Variants in DIDO1 observed in about 807,000 individuals in gnomAD.
DIDO1 encodes the protein death inducer-obliterator 1.
A neutral mutation model predicts 99.4 loss-of-function variants in DIDO1; 16 were observed. That is an observed-to-expected ratio of 0.16 (90% confidence interval 0.11 to 0.24). The LOEUF (loss-of-function observed/expected upper bound fraction) is 0.24, where lower values mean the gene tolerates loss of function less well. DIDO1 is among the 10% of genes least tolerant of loss of function. The pLI is 1.00. For synonymous variants in DIDO1, 1,366 were observed against 1,239.1 expected (o/e 1.10, Z -2.15); for missense variants, 2,996 against 3,014.0 (o/e 0.99, Z 0.14).
chr20:62,934,971 T>C (rs145899006), intron 1 of DIDO1, among the ~76,000 whole-genome samples: 17 of 152,332 alleles, frequency 1.1e-4, no homozygotes, highest in African/African-American at 3.8e-4. Context: ...CTTGTCTCCA[T>C]GGGCTTCCTC....
At chr20:62,933,175 C>T (rs1331535608) in intron 1 of DIDO1, among the ~76,000 whole-genome samples, 1 of 152,222 alleles carries the variant, frequency 6.6e-6, no homozygotes, top group Admixed American at 6.5e-5. Context: ...CGTGCCATTG[C>T]ACTCCAGCCT....
chr20:62,912,068 A>C (rs1203968384), intron 2 of DIDO1, among the ~76,000 whole-genome samples: 1 of 152,242 alleles, frequency 6.6e-6, no homozygotes. Flanking sequence ...ACGCTGTGCC[A>C]GTTTGGGTGT....
intron 5 of DIDO1, among the ~76,000 whole-genome samples, chr20:62,906,703 A>AGCC (rs143880195): frequency 6.6e-6 from 1 of 151,728 alleles, no homozygotes; most frequent in African/African-American, 2.4e-5. Context: ...ATCTCTAAAC[A>AGCC]TTCCAAATAA....
chr20:62,910,093 A>G (rs1237113036), intron 3 of DIDO1, 73 bp from the exon 4 acceptor site: 2 of 1,474,194 alleles, frequency 1.4e-6, no homozygotes, highest in Non-Finnish European at 1.8e-6. Context: ...TAATAAGACA[A>G]TTGGTTTTAA....
upstream of DIDO1, among the ~76,000 whole-genome samples, chr20:62,929,695 G>GTGTATATATATATATATATATATATATA (rs1491466464): frequency 2.0e-5 from 2 of 97,972 alleles, no homozygotes; most frequent in African/African-American, 9.2e-5. Flanking sequence ...AAGAAAAAGT[G>GTGTATATATATATATATATATATATATA]TATATATATA....
intron 6 of DIDO1, among the ~76,000 whole-genome samples, chr20:62,904,652 G>A (rs1438313747): frequency 2.6e-5 from 4 of 151,690 alleles, no homozygotes; most frequent in Non-Finnish European, 4.4e-5. Flanking sequence ...ATGGTGGCAC[G>A]GGCCTGTAAT....
chr20:62,907,052 G>T, intron 5 of DIDO1, 95 bp downstream of exon 5: 2 of 1,326,822 alleles, frequency 1.5e-6, no homozygotes, highest in Non-Finnish European at 1.1e-6. Context: ...CCCTACACCT[G>T]CCACCCCCAC....
At chr20:62,936,612 TCCCAGCA>T (rs2065387770) in intron 1 of DIDO1, among the ~76,000 whole-genome samples, 1 of 151,864 alleles carries the variant, frequency 6.6e-6, no homozygotes, top group South Asian at 2.1e-4. Context: ...ACGCCTGTAA[TCCCAGCA>T]CTTTGGGAGT....
intron 1 of DIDO1, among the ~76,000 whole-genome samples, chr20:62,937,012 A>G (rs543938811): frequency 2.0e-5 from 3 of 152,258 alleles, no homozygotes; most frequent in Non-Finnish European, 2.9e-5. Context: ...CGATTAACGG[A>G]AAATGTCCAA....
In DIDO1 at chr20:62,888,729, A is replaced by G. The variant is rs73304543; in HGVS notation, c.3541+2231T>C. 4.1e-3 allele frequency: 4,070 copies of G among 985,472 alleles called. 141 individuals carry two copies. The African/African-American group carries it at 0.066, about 16-fold the overall frequency. 61.0% of individuals were successfully genotyped at this position (985,472 alleles called of 1,614,324 possible). A position where few individuals can be genotyped will look rare whatever the true frequency, so the allele number is the denominator to read the frequency against. ...AGCCAGGACACACATGTACATGTTT[A>G]TATCTAGAAAACGCCAAGTCAAGTA... On this transcript the variant is annotated intron_variant, in intron 15 of 15. Transcript: ENST00000395343.
intron 1 of DIDO1, among the ~76,000 whole-genome samples, chr20:62,936,728 G>C (rs1423372238): frequency 6.6e-6 from 1 of 151,928 alleles, no homozygotes; most frequent in Non-Finnish European, 1.5e-5. Context: ...GCTGGGCGTG[G>C]TGGTGCGCCC....
chr20:62,880,956 GCGC>G lies in DIDO1; in HGVS notation c.4997_4999del (p.Gly1666del). 6.2e-7 allele frequency: 1 copy of G among 1,607,058 alleles called. No individual in the cohort carries two copies. Among genetic ancestry groups the G allele is most frequent in the Non-Finnish European group, 8.5e-7 (1 of 1,179,556 alleles). On this transcript the variant is annotated inframe_deletion, in exon 16 of 16. Transcript: ENST00000395343. ...CTGCAGCGGGAAGCCGGGCTGCAGG[GCGC>G]CGCAAGGCGGTGTGGGCAGCAGCAC... is the stretch of plus-strand genomic sequence containing the variant.
At chr20:62,905,674 A>G (rs2064786103) in intron 6 of DIDO1, 10 of 1,598,464 alleles carry the variant, frequency 6.3e-6, no homozygotes, top group Non-Finnish European at 8.5e-6. Context: ...ACAGCTTTGG[A>G]AAACAGTGAC....
chr20:62,905,216 T>A, intron 6 of DIDO1: 1 of 1,178,360 alleles, frequency 8.5e-7, no homozygotes, highest in Non-Finnish European at 1.1e-6. Context: ...AAGGCACGCG[T>A]CCTGCGGTCA....
At position 62,909,608 on chromosome 20, in the gene DIDO1, G is replaced by C; in HGVS notation, c.1161+91C>G. On this transcript the variant is annotated intron_variant, in intron 4 of 15. Transcript: ENST00000395343. Reference sequence around the variant, plus strand: ...AGAGGCACCGCCCCACATGGGTGCAGCACCCGTCCTGGGAGGAATTTCTAT... The same window carrying C: ...AGAGGCACCGCCCCACATGGGTGCACCACCCGTCCTGGGAGGAATTTCTAT... 2.6e-6 allele frequency: 4 copies of C among 1,512,510 alleles called. No individual in the cohort carries two copies. The South Asian group carries it at 3.8e-5, about 14-fold the overall frequency. The allele number at this position is 1,512,510 out of a possible 1,614,324, so 93.7% of individuals were successfully genotyped here.
Position 62,894,021 on chromosome 20 carries a change from G to C in DIDO1, c.2746C>G (p.Leu916Val), listed in dbSNP as rs747848819. Residue 916 changes from leucine to valine, a missense_variant, in exon 12 of 16, where the codon CTA becomes GTA. By Grantham distance (32) the Leu-to-Val change is conservative. Around this residue, in one of 5 missense-constraint regions of DIDO1, gnomAD observed 898 missense variants for 972.7 expected, o/e 0.92. Coordinates refer to ENST00000395343, the MANE Select transcript of DIDO1 (RefSeq NM_001193369.2). The surrounding 1 kb of genome is among the most constrained non-coding windows in gnomAD (Gnocchi z 4.4). ...ACATTTGGATGAGAAGCACTTTCTAGGCCTGGCTCAGAGGCAACTTCAGGC... is the reference window on the plus strand; with the variant it reads ...ACATTTGGATGAGAAGCACTTTCTACGCCTGGCTCAGAGGCAACTTCAGGC... ...AVPEVASEPG[L>V]ESASHPNVDR... 2.0e-5 allele frequency: 32 copies of C among 1,614,080 alleles called. No individual in the cohort carries two copies. The highest frequency in any genetic ancestry group is 2.7e-5 in the Non-Finnish European group (32 of 1,180,048).
intron 1 of DIDO1, among the ~76,000 whole-genome samples, chr20:62,925,815 C>A (rs192677963): frequency 2.0e-5 from 3 of 152,194 alleles, no homozygotes; most frequent in Admixed American, 6.5e-5. Flanking sequence ...ACCAACGCAA[C>A]AAACTATTCC....
At position 62,896,316 on chromosome 20, in the gene DIDO1, A is replaced by C; in HGVS notation, c.2131T>G (p.Phe711Val). The change falls in exon 8 of 16, where the codon TTT becomes GTT. Residue 711 changes from phenylalanine (F) to valine (V), a missense_variant. Transcript: ENST00000395343. This position sits in a 1 kb window ranked among gnomAD's most constrained non-coding sequence, Gnocchi z 4.4. Reference sequence around the variant, plus strand: ...TTATCTGTAACTTGAAACAAGTTAAACATCTCCTTCTCAATATGGAGGGCA... The same window carrying C: ...TTATCTGTAACTTGAAACAAGTTAACCATCTCCTTCTCAATATGGAGGGCA... ...KIALHIEKEM[F>V]NLFQVTDNRY... 6.2e-7 allele frequency: 1 copy of C among 1,614,100 alleles called. No homozygotes were observed. The highest frequency in any genetic ancestry group is 8.5e-7 in the Non-Finnish European group (1 of 1,180,000).
rs756826654 is a variant in DIDO1 at position 62,879,779 on chromosome 20, G to C, written c.6177C>G (p.Pro2059=). ...CCGATGCCCACTGTCCGTCGGCCTC[G>C]GGGCCCTGTCCGGGCGCACTGGAGG... is the stretch of plus-strand genomic sequence containing the variant. ...ALSSSAPGQG[P]EADGQWASAD... Residue 2059 remains proline, a synonymous_variant, in exon 16 of 16, where the codon CCC becomes CCG. Coordinates refer to ENST00000395343, the MANE Select transcript of DIDO1 (RefSeq NM_001193369.2). This position sits in a 1 kb window ranked among gnomAD's most constrained non-coding sequence, Gnocchi z 6.3. The C allele has an allele frequency of 2.5e-6, 4 of 1,611,520 alleles. No individual in the cohort carries two copies. Among genetic ancestry groups the C allele is most frequent in the Non-Finnish European group, 3.4e-6 (4 of 1,179,782 alleles).
Sources: allele counts gnomAD v4.1 joint callset (sites outside exome capture counted in the v4.1 genomes callset), GRCh38; gene constraint gnomAD v4.1.1; regional missense constraint gnomAD v4.1.1; non-coding constraint Gnocchi (gnomAD v3.1); transcripts MANE v1.5; gene names NCBI Gene and HGNC (gene_info 2026-07-23, HGNC 2026-07-21).